The following PIWIL2 variants were observed in gnomAD, a reference collection of about 807,000 sequenced individuals.
PIWIL2 encodes the protein piwi-like protein 2.
In PIWIL2, 81 loss-of-function variants were observed where a neutral mutation model predicts 116.5. The observed-to-expected ratio is 0.70, with a 90% confidence interval of 0.58 to 0.84. The LOEUF is 0.84. Among genes scored for constraint, PIWIL2 ranks in the 40% least tolerant of loss-of-function variants. The pLI is 0.00. For missense variants in PIWIL2, 1,272 were observed against 1,212.3 expected (o/e 1.05, Z -0.73); for synonymous variants, 489 against 429.5 (o/e 1.14, Z -1.71).
At chr8:22,321,808 C>T (rs1030921186) in intron 20 of PIWIL2, 17 of 953,052 alleles carry the variant, frequency 1.8e-5, no homozygotes, top group Non-Finnish European at 2.1e-5. Context: ...ATTCTGACTA[C>T]CTCTGGACTC....
intron 20 of PIWIL2, among the ~76,000 whole-genome samples, chr8:22,333,467 C>A (rs1290319749): frequency 6.6e-6 from 1 of 151,952 alleles, no homozygotes; most frequent in African/African-American, 2.4e-5. Context: ...ACAAAATTAG[C>A]CAGGCATGGT....
At chr8:22,281,084 C>G (rs752819118) in intron 2 of PIWIL2, 36 bp from the exon 3 acceptor site, 26 of 1,361,726 alleles carry the variant, frequency 1.9e-5, no homozygotes, top group Non-Finnish European at 1.9e-5. Context: ...GGGTTTTAAA[C>G]TACCTCTTAG....
intron 10 of PIWIL2, among the ~76,000 whole-genome samples, chr8:22,301,239 G>A (rs1048402594): frequency 1.3e-5 from 2 of 151,876 alleles, no homozygotes; most frequent in Admixed American, 1.3e-4. Flanking sequence ...CTAAAGTGCC[G>A]GGATTACAGA....
intron 20 of PIWIL2, among the ~76,000 whole-genome samples, chr8:22,348,405 C>G (rs1352812889): frequency 6.6e-6 from 1 of 152,042 alleles, no homozygotes; most frequent in African/African-American, 2.4e-5. Flanking sequence ...AAAAACATGT[C>G]AAACACTCAG....
chr8:22,322,390 G>A (rs185811804), intron 20 of PIWIL2, among the ~76,000 whole-genome samples: 135 of 151,958 alleles, frequency 8.9e-4, no homozygotes, highest in Non-Finnish European at 2.4e-4. Flanking sequence ...AGCTGGGACT[G>A]CAGGCACATA....
chr8:22,288,542 G>T lies in PIWIL2; in HGVS notation c.862G>T (p.Val288Phe), dbSNP rs748128229. The change falls in exon 8 of 23, where the codon GTT becomes TTT. Residue 288 changes from valine (V) to phenylalanine (F), a missense_variant and splice_region_variant. Coordinates refer to ENST00000356766, the MANE Select transcript of PIWIL2 (RefSeq NM_018068.5). ...TCACCTGTGTGTATTTATTTGTTAG[G>T]TTCTTGAGTTAAAAAGTCAAAGGAA... ...ILYLPVKLQQ[V>F]LELKSQRKTD... The T allele has an allele frequency of 6.2e-6, 10 of 1,611,386 alleles. No individual in the cohort carries two copies. Among genetic ancestry groups the T allele is most frequent in the Non-Finnish European group, 8.5e-6 (10 of 1,178,188 alleles).
Position 22,311,146 on chromosome 8 carries a change from A to G in PIWIL2, c.1835A>G (p.Lys612Arg), listed in dbSNP as rs1307151973. ...CATTTCTGGGCACTTTTTTACCCAA[A>G]GAGAGCAATGGACCAGGCTCGAGAA... Reference protein sequence around the residue: ...PMHFWALFYPKRAMDQARELV... With the variant: ...PMHFWALFYPRRAMDQARELV... Residue 612 changes from lysine (K) to arginine (R), a missense_variant, in exon 16 of 23, where the codon AAG (lysine) becomes AGG (arginine). Lys to Arg is a conservative substitution (Grantham distance 26, BLOSUM62 2). Transcript: ENST00000356766. 1 of 1,613,366 alleles carries G rather than the reference A, an allele frequency of 6.2e-7. No individual in the cohort carries two copies. The highest frequency in any genetic ancestry group is 8.5e-7 in the Non-Finnish European group (1 of 1,179,810).
intron 13 of PIWIL2, 64 bp from the exon 14 acceptor site, chr8:22,307,869 G>T: frequency 7.5e-7 from 1 of 1,325,174 alleles, no homozygotes; most frequent in Admixed American, 2.1e-5. Flanking sequence ...ACCTACTGGG[G>T]TTTATTTAAC....
intron 20 of PIWIL2, among the ~76,000 whole-genome samples, chr8:22,349,378 CT>C (rs1259528347): frequency 1.4e-5 from 2 of 147,230 alleles, no homozygotes; most frequent in Non-Finnish European, 3.0e-5. Context: ...TATCCTTGAT[CT>C]AGCTCGGTCT....
At chr8:22,323,453 A>T (rs1437713403) in intron 20 of PIWIL2, among the ~76,000 whole-genome samples, 1 of 151,798 alleles carries the variant, frequency 6.6e-6, no homozygotes, top group Non-Finnish European at 1.5e-5. Flanking sequence ...GCCAGTCTTG[A>T]TCTCTTGACC....
At position 22,304,004 on chromosome 8, in the gene PIWIL2, T is replaced by C. The variant is rs773108396; in HGVS notation, c.1182-17T>C. 1 of 1,586,082 alleles carries C rather than the reference T, an allele frequency of 6.3e-7. No homozygotes were observed. The highest frequency in any genetic ancestry group is 8.6e-7 in the Non-Finnish European group (1 of 1,159,700). On this transcript the variant is annotated splice_polypyrimidine_tract_variant and intron_variant, in intron 10 of 22. Coordinates refer to ENST00000356766, the MANE Select transcript of PIWIL2 (RefSeq NM_018068.5). ...GATATATACTGTGATCCAAAAGTCTTTTATCTCTTTCCAAAGGCATGCCAT... is the reference window on the plus strand; with the variant it reads ...GATATATACTGTGATCCAAAAGTCTCTTATCTCTTTCCAAAGGCATGCCAT...
intron 20 of PIWIL2, among the ~76,000 whole-genome samples, chr8:22,351,887 C>G (rs1282741520): frequency 1.3e-5 from 2 of 151,562 alleles, no homozygotes; most frequent in African/African-American, 4.9e-5. Context: ...TTAGAATGAA[C>G]CACACTCCAC....
chr8:22,328,402 T>C (rs1831776541), intron 20 of PIWIL2, among the ~76,000 whole-genome samples: 1 of 152,174 alleles, frequency 6.6e-6, no homozygotes, highest in Admixed American at 6.5e-5. Flanking sequence ...CAGTATTGTT[T>C]TTGCTATTCA....
intron 10 of PIWIL2, among the ~76,000 whole-genome samples, chr8:22,299,277 C>G (rs1275849517): frequency 4.0e-5 from 6 of 150,646 alleles, no homozygotes; most frequent in Non-Finnish European, 7.4e-5. Flanking sequence ...ATGGCGTGAT[C>G]TTGGCTCACT....
intron 20 of PIWIL2, among the ~76,000 whole-genome samples, chr8:22,351,440 C>CACATATAT (rs1832353149): frequency 1.9e-5 from 1 of 52,932 alleles, no homozygotes. Context: ...TGCATACATA[C>CACATATAT]ATATATATAT....
At chr8:22,339,189 T>C (rs1832049151) in intron 20 of PIWIL2, among the ~76,000 whole-genome samples, 1 of 152,050 alleles carries the variant, frequency 6.6e-6, no homozygotes, top group Non-Finnish European at 1.5e-5. Context: ...TCCAAATGGA[T>C]CAAAGACCTA....
intron 20 of PIWIL2, among the ~76,000 whole-genome samples, chr8:22,333,403 G>A (rs1831906482): frequency 6.6e-6 from 1 of 152,066 alleles, no homozygotes; most frequent in Non-Finnish European, 1.5e-5. Context: ...CCTGAGGTCA[G>A]GAGTTCGAGA....
rs1015457505 is a variant in PIWIL2 at position 22,307,949 on chromosome 8, T to C, written c.1562T>C (p.Ile521Thr). The C allele has an allele frequency of 6.2e-7, 1 of 1,609,096 alleles. No homozygotes were observed. Among genetic ancestry groups the C allele is most frequent in the African/African-American group, 1.3e-5 (1 of 74,852 alleles). Residue 521 changes from isoleucine to threonine, a missense_variant, in exon 14 of 23, where the codon ATC becomes ACC. Physicochemically the swap from Ile to Thr is moderately conservative, Grantham distance 89. Coordinates refer to ENST00000356766, the MANE Select transcript of PIWIL2 (RefSeq NM_018068.5). ...TCTGTTTAGGATTTGGCTCAGCAAATCAATCTGAGCCCCAAGCAACACCAT... is the reference window on the plus strand; with the variant it reads ...TCTGTTTAGGATTTGGCTCAGCAAACCAATCTGAGCCCCAAGCAACACCAT... The part of the protein sequence containing the change: ...FRAMKDLAQQ[I>T]NLSPKQHHSA...
rs993743281 is a variant in PIWIL2, at chr8:22,293,296, G to A, written c.1181+2950G>A. 1.8e-4 allele frequency among the ~76,000 whole-genome samples: 28 copies of A among 152,154 alleles called. 1 individual carries two copies. Among genetic ancestry groups the A allele is most frequent in the Admixed American group, 1.0e-3 (16 of 15,280 alleles). On this transcript the variant is annotated intron_variant, in intron 10 of 22. Coordinates refer to ENST00000356766, the MANE Select transcript of PIWIL2 (RefSeq NM_018068.5). Reference sequence around the variant, plus strand: ...TGTACTCCAGCCTAGGCAAGCAAGTGAGACCCTGTCTTCAAAAAAACAGAA... The same window carrying A: ...TGTACTCCAGCCTAGGCAAGCAAGTAAGACCCTGTCTTCAAAAAAACAGAA...
Sources: allele counts gnomAD v4.1 joint callset (sites outside exome capture counted in the v4.1 genomes callset), GRCh38; gene constraint gnomAD v4.1.1; transcripts MANE v1.5; gene names NCBI Gene and HGNC (gene_info 2026-07-23, HGNC 2026-07-21).